NHSL1: variants seen among roughly 807,000 people sequenced by gnomAD.
NHSL1 encodes NHS like 1.
NHSL1 carries 48 observed loss-of-function variants against 95.0 expected under a neutral mutation model. The observed-to-expected ratio is 0.51, with a 90% confidence interval of 0.40 to 0.64. The LOEUF (loss-of-function observed/expected upper bound fraction) is 0.64. NHSL1 is among the 30% of genes least tolerant of loss of function. The probability of loss-of-function intolerance (pLI) is 0.00; values close to 1 mark genes in which losing one functional copy is unlikely to be tolerated. For missense variants in NHSL1, 1,971 were observed against 2,077.7 expected (o/e 0.95, Z 1.00); for synonymous variants, 783 against 833.9 (o/e 0.94, Z 1.05).
chr6:138,539,842 T>G (rs191577873), intron 1 of NHSL1, among the ~76,000 whole-genome samples: 131 of 152,282 alleles, frequency 8.6e-4, no homozygotes, highest in Non-Finnish European at 1.7e-3. Flanking sequence ...GTCCATAGGG[T>G]AGCATCTCAA....
chr6:138,570,756 A>C (rs1783809599), intron 1 of NHSL1, among the ~76,000 whole-genome samples: 2 of 152,254 alleles, frequency 1.3e-5, no homozygotes, highest in Non-Finnish European at 2.9e-5. Flanking sequence ...GGGGAAGCAC[A>C]GGTCCCTGAA....
intron 1 of NHSL1, among the ~76,000 whole-genome samples, chr6:138,618,704 C>G (rs1443587509): frequency 6.6e-6 from 1 of 151,992 alleles, no homozygotes; most frequent in Non-Finnish European, 1.5e-5. Flanking sequence ...TTTCTTCTGC[C>G]TATCTAGAAT....
intron 1 of NHSL1, among the ~76,000 whole-genome samples, chr6:138,553,234 A>G (rs969169804): frequency 3.3e-5 from 5 of 152,188 alleles, no homozygotes; most frequent in Non-Finnish European, 7.3e-5. Flanking sequence ...GCTCTGCGTC[A>G]TATTCCATAG....
intron 1 of NHSL1, among the ~76,000 whole-genome samples, chr6:138,609,728 A>C (rs187785753): frequency 0.01 from 1,410 of 137,574 alleles, 26 homozygotes; most frequent in African/African-American, 0.037. Flanking sequence ...CCAGCCTGGG[A>C]GACAGAGCAA....
intron 1 of NHSL1, among the ~76,000 whole-genome samples, chr6:138,498,138 T>A (rs1780465920): frequency 6.6e-6 from 1 of 152,204 alleles, no homozygotes; most frequent in African/African-American, 2.4e-5. Flanking sequence ...CCCCCCAAAG[T>A]GTAGCCAGAG....
At position 138,516,701 on chromosome 6, in the gene NHSL1, C is replaced by A. The variant is rs551932150; in HGVS notation, c.17-20330G>T. On this transcript the variant is annotated intron_variant, in intron 1 of 4. Transcript: ENST00000342260. ...CCAGGCTGGAGTGCAGTGGTGTGATCTTGGCTCATTGCAACCCCTACCTCC... is the reference window on the plus strand; with the variant it reads ...CCAGGCTGGAGTGCAGTGGTGTGATATTGGCTCATTGCAACCCCTACCTCC... Among the ~76,000 whole-genome samples the A allele has an allele frequency of 6.6e-5, 10 of 152,288 alleles. No individual in the cohort carries two copies. The South Asian group carries it at 1.5e-3, about 22-fold the overall frequency.
At chr6:138,668,835 G>C (rs916253461) in intron 1 of NHSL1, among the ~76,000 whole-genome samples, 3 of 152,038 alleles carry the variant, frequency 2.0e-5, no homozygotes, top group African/African-American at 4.8e-5. Context: ...TGTTGGCCAG[G>C]ATGGTCTCAA....
At chr6:138,512,171 G>A (rs1781262383) in intron 1 of NHSL1, 5 of 386,606 alleles carry the variant, frequency 1.3e-5, no homozygotes, top group Non-Finnish European at 2.5e-5. Flanking sequence ...GCTGAGGGCA[G>A]TTTTAAAATA....
intron 1 of NHSL1, among the ~76,000 whole-genome samples, chr6:138,626,660 G>A (rs1256041786): frequency 1.4e-5 from 1 of 71,318 alleles, no homozygotes; most frequent in Non-Finnish European, 2.7e-5. Flanking sequence ...TTGGGAGGCC[G>A]AGGCGGGCGG....
At chr6:138,458,155 T>C (rs1424082299) in intron 3 of NHSL1, among the ~76,000 whole-genome samples, 4 of 152,184 alleles carry the variant, frequency 2.6e-5, no homozygotes, top group Admixed American at 6.5e-5. Flanking sequence ...TTTCAAATGA[T>C]AGCTTGATGA....
Position 138,473,357 on chromosome 6 carries a change from G to A in NHSL1, c.288C>T (p.Ala96=). The A allele has an allele frequency of 6.5e-7, 1 of 1,548,626 alleles. No homozygotes were observed. Among genetic ancestry groups the A allele is most frequent in the Middle Eastern group, 1.7e-4 (1 of 5,874 alleles). ...CTTGGTAATCATCACAGAATGGGCT[G>A]GCGTTGGCCGCAAAGGTGGGTCCCT... is the stretch of plus-strand genomic sequence containing the variant. ...YSQGPTFAAN[A]SPFCDDYQDE... The change falls in exon 3 of 8, where the codon GCC becomes GCT. Residue 96 remains alanine (A), a synonymous_variant. Transcript: ENST00000343505.
intron 1 of NHSL1, among the ~76,000 whole-genome samples, chr6:138,536,154 A>AT (rs1782333631): frequency 2.6e-5 from 4 of 152,254 alleles, no homozygotes; most frequent in Admixed American, 2.0e-4. Flanking sequence ...AATCTCATTT[A>AT]TTTTGGGGGC....
At chr6:138,593,789 A>G (rs1224568107) in intron 1 of NHSL1, among the ~76,000 whole-genome samples, 1 of 152,214 alleles carries the variant, frequency 6.6e-6, no homozygotes, top group Non-Finnish European at 1.5e-5. Flanking sequence ...GGATAGAGTT[A>G]TGAATTAGTA....
In NHSL1 at chr6:138,689,607, T is replaced by C. The variant is rs566407240; in HGVS notation, c.96+2869A>G. ...TCTTATGGTAGAAAGCTATTATTGGTCACTGAAATATGCTGTCCCCAACTG... is the reference window on the plus strand; with the variant it reads ...TCTTATGGTAGAAAGCTATTATTGGCCACTGAAATATGCTGTCCCCAACTG... On this transcript the variant is annotated intron_variant, in intron 1 of 3. Coordinates refer to the NHSL1 transcript ENST00000491526. 5.9e-5 allele frequency among the ~76,000 whole-genome samples: 9 copies of C among 152,318 alleles called. No individual in the cohort carries two copies. The South Asian group carries it at 1.7e-3, about 28-fold the overall frequency.
intron 1 of NHSL1, among the ~76,000 whole-genome samples, chr6:138,639,831 T>G (rs1784936744): frequency 6.9e-6 from 1 of 144,548 alleles, no homozygotes; most frequent in Non-Finnish European, 1.5e-5. Context: ...AAAAAGTTGA[T>G]GTATATGTAT....
chr6:138,614,050 C>A (rs990387658), intron 1 of NHSL1, among the ~76,000 whole-genome samples: 1 of 152,168 alleles, frequency 6.6e-6, no homozygotes, highest in African/African-American at 2.4e-5. Context: ...TCCTTACTAC[C>A]AATAACAGCC....
intron 1 of NHSL1, among the ~76,000 whole-genome samples, chr6:138,624,520 A>C (rs1428316706): frequency 1.3e-5 from 2 of 152,196 alleles, no homozygotes; most frequent in African/African-American, 2.4e-5. Context: ...ACTATAAAAA[A>C]AAGGAAGAAT....
intron 3 of NHSL1, among the ~76,000 whole-genome samples, chr6:138,464,806 A>AG (rs1487809883): frequency 5.2e-4 from 74 of 142,772 alleles, no homozygotes; most frequent in Non-Finnish European, 6.4e-4. Context: ...TCTGCCTCGC[A>AG]GGTTCAAGTG....
At chr6:138,458,883 G>A (rs530979382) in intron 3 of NHSL1, among the ~76,000 whole-genome samples, 5 of 151,194 alleles carry the variant, frequency 3.3e-5, no homozygotes, top group African/African-American at 1.2e-4. Context: ...CGTTTTTATT[G>A]GTATTGTGTT....
Sources: allele counts gnomAD v4.1 joint callset (sites outside exome capture counted in the v4.1 genomes callset), GRCh38; gene constraint gnomAD v4.1.1; transcripts MANE v1.5; gene names NCBI Gene and HGNC (gene_info 2026-07-23, HGNC 2026-07-21).